BOK: variants seen among roughly 807,000 people sequenced by gnomAD.
BOK encodes bcl-2-related ovarian killer protein.
Under a neutral mutation model 18.3 loss-of-function variants are expected in BOK, and 20 were observed. The observed-to-expected ratio is 1.09, with a 90% CI of 0.77 to 1.59. The LOEUF (loss-of-function observed/expected upper bound fraction) is 1.59. Ranked by LOEUF, BOK falls within the 40% of genes most tolerant of loss-of-function variation. The probability of loss-of-function intolerance (pLI) is 0.00; values close to 1 mark genes in which losing one functional copy is unlikely to be tolerated. For synonymous variants in BOK, 173 were observed against 142.4 expected (o/e 1.21, Z -1.53); for missense variants, 348 against 307.9 (o/e 1.13, Z -0.97).
At position 241,562,475 on chromosome 2, in the gene BOK, A is replaced by G. The variant is rs775617630; in HGVS notation, c.348A>G (p.Ala116=). 4.4e-6 allele frequency: 7 copies of G among 1,607,718 alleles called. No individual in the cohort carries two copies. In the African/African-American group the frequency reaches 8.0e-5, roughly 18 times the overall value. ...FLAVAGHIFS[A]GITWGKVVSL... is the part of the protein sequence containing the mutation. ...CCGTGGCTGGCCACATCTTCTCTGC[A>G]GGTATGCCCAGCCTGCCCGTCCCAT... The change falls in exon 3 of 5, where the codon GCA becomes GCG. Residue 116 remains alanine, a splice_region_variant and synonymous_variant. Coordinates refer to ENST00000318407, the MANE Select transcript of BOK (RefSeq NM_032515.5). This position sits in a 1 kb window ranked among gnomAD's most constrained non-coding sequence, Gnocchi z 4.5.
intron 2 of BOK, chr2:241,560,160 G>A (rs1574994856): frequency 1.0e-6 from 1 of 985,362 alleles, no homozygotes; most frequent in Non-Finnish European, 1.2e-6. Context: ...CGCCCACCGG[G>A]CTGGGTAGCC....
In BOK at chr2:241,562,252, T is replaced by G; in HGVS notation, c.221-96T>G. 1 of 1,434,632 alleles carries G rather than the reference T, an allele frequency of 7.0e-7. No homozygotes were observed. The highest frequency in any genetic ancestry group is 9.3e-7 in the Non-Finnish European group (1 of 1,074,800). The allele number at this position is 1,434,632 out of a possible 1,614,324, so 88.9% of individuals were successfully genotyped here. A position where few individuals can be genotyped will look rare whatever the true frequency, so the allele number is the denominator to read the frequency against. ...GGAACAGGCTGGAATTCAAGCATGG[T>G]CAGGTGGGGGTCAGGTGCAGGGTGT... On this transcript the variant is annotated intron_variant, in intron 2 of 4. Coordinates refer to ENST00000318407, the MANE Select transcript of BOK (RefSeq NM_032515.5). This position sits in a 1 kb window ranked among gnomAD's most constrained non-coding sequence, Gnocchi z 4.5.
chr2:241,560,948 T>G (rs2066518393), intron 2 of BOK, among the ~76,000 whole-genome samples: 1 of 152,148 alleles, frequency 6.6e-6, no homozygotes, highest in African/African-American at 2.4e-5. Context: ...TCCCTGCCCT[T>G]GGGCAGTGCA....
intron 3 of BOK, among the ~76,000 whole-genome samples, chr2:241,566,111 C>A (rs1262804776): frequency 6.6e-6 from 1 of 151,584 alleles, no homozygotes; most frequent in Admixed American, 6.6e-5. Flanking sequence ...AAGAAGAAAC[C>A]CTGTCTCTAA....
upstream of BOK, among the ~76,000 whole-genome samples, chr2:241,555,200 T>C (rs979557273): frequency 1.3e-5 from 2 of 152,122 alleles, no homozygotes; most frequent in Non-Finnish European, 2.9e-5. Flanking sequence ...TTTTTAAAAT[T>C]TGTTTTAGAA....
chr2:241,552,361 G>A (rs1469917316), intron 1 of BOK, among the ~76,000 whole-genome samples: 1 of 152,170 alleles, frequency 6.6e-6, no homozygotes, highest in African/African-American at 2.4e-5. Flanking sequence ...GAGGCTTCCT[G>A]CGAGCCGCTT....
intron 2 of BOK, chr2:241,560,155 A>G (rs2066505647): frequency 1.0e-6 from 1 of 985,398 alleles, no homozygotes; most frequent in Non-Finnish European, 1.2e-6. Flanking sequence ...AACTGCGCCC[A>G]CCGGGCTGGG....
intron 4 of BOK, among the ~76,000 whole-genome samples, chr2:241,571,074 G>A (rs1306941094): frequency 6.6e-6 from 1 of 151,700 alleles, no homozygotes; most frequent in Non-Finnish European, 1.5e-5. Context: ...GAGCACTCCT[G>A]GGGGAGATGG....
intron 2 of BOK, among the ~76,000 whole-genome samples, chr2:241,561,026 CTG>C (rs1246682671): frequency 1.3e-5 from 2 of 152,224 alleles, no homozygotes; most frequent in Non-Finnish European, 2.9e-5. Flanking sequence ...CCCCGGAGAT[CTG>C]TGTTTGGGAG....
At position 241,558,766 on chromosome 2, in the gene BOK, GCGCTGCCCACCTCGCTGCCCAGGCC is replaced by G. The variant is rs1161528167; in HGVS notation, c.-255_-231del. ...CAGCCTCTCGCCAGCTGGGAGTCGC[GCGCTGCCCACCTCGCTGCCCAGGCC>G]CCCGACGCCGCGGCAGGAGCCCCCC... On this transcript the variant is annotated 5_prime_UTR_variant, in exon 1 of 5. Coordinates refer to ENST00000318407, the MANE Select transcript of BOK (RefSeq NM_032515.5). 5.9e-5 allele frequency: 9 copies of G among 152,324 alleles called. No homozygotes were observed. Among genetic ancestry groups the G allele is most frequent in the African/African-American group, 2.2e-4 (9 of 41,462 alleles). The allele number at this position is 152,324 out of a possible 1,614,324, so 9.4% of individuals were successfully genotyped here. A position where few individuals can be genotyped will look rare whatever the true frequency, so the allele number is the denominator to read the frequency against.
chr2:241,559,547 C>T lies in BOK; in HGVS notation c.64C>T (p.Pro22Ser). The change falls in exon 2 of 5, where the codon CCC becomes TCC. Residue 22 changes from proline (P) to serine (S), a missense_variant. Transcript: ENST00000318407. Reference protein sequence around the residue: ...AEIMDAFDRSPTDKELVAQAK... With the variant: ...AEIMDAFDRSSTDKELVAQAK... Reference sequence around the variant, plus strand: ...GATCATGGACGCCTTTGACCGCTCGCCCACAGACAAGGAGCTGGTGGCCCA... The same window carrying T: ...GATCATGGACGCCTTTGACCGCTCGTCCACAGACAAGGAGCTGGTGGCCCA... 1 of 1,528,216 alleles carries T rather than the reference C, an allele frequency of 6.5e-7. No homozygotes were observed. Among genetic ancestry groups the T allele is most frequent in the Non-Finnish European group, 8.7e-7 (1 of 1,146,990 alleles). The allele number at this position is 1,528,216 out of a possible 1,614,324, so 94.7% of individuals were successfully genotyped here. A position where few individuals can be genotyped will look rare whatever the true frequency, so the allele number is the denominator to read the frequency against.
intron 2 of BOK, chr2:241,560,266 T>C: frequency 1.0e-6 from 1 of 985,132 alleles, no homozygotes; most frequent in Non-Finnish European, 1.2e-6. Context: ...GTCTCCAAGG[T>C]CTGGACCCAA....
intron 3 of BOK, among the ~76,000 whole-genome samples, chr2:241,565,962 A>G (rs2066604710): frequency 6.6e-6 from 1 of 152,126 alleles, no homozygotes; most frequent in African/African-American, 2.4e-5. Flanking sequence ...AATTTTATAT[A>G]ATTCTTCTAA....
At chr2:241,560,209 G>C in intron 2 of BOK, 2 of 985,446 alleles carry the variant, frequency 2.0e-6, no homozygotes, top group Non-Finnish European at 2.4e-6. Context: ...GGACATCTGG[G>C]GGTGCTCGGT....
intron 3 of BOK, among the ~76,000 whole-genome samples, chr2:241,565,536 C>A (rs1025816340): frequency 2.0e-5 from 3 of 151,068 alleles, no homozygotes; most frequent in Non-Finnish European, 2.9e-5. Flanking sequence ...CTGCCTGAGG[C>A]CCCTCCCACG....
intron 3 of BOK, among the ~76,000 whole-genome samples, chr2:241,569,288 C>G (rs369455567): frequency 6.7e-6 from 1 of 148,420 alleles, no homozygotes; most frequent in African/African-American, 2.5e-5. Context: ...CGTGCCACCA[C>G]GCCTGGCTAA....
rs908071029 is a variant in BOK, at chr2:241,562,616, G to A, written c.349+140G>A. ...CACCGGTGCCATCTCACTGCTGCAG[G>A]TGTCAGGAGCTGCCCAGCCACCAGC... On this transcript the variant is annotated intron_variant, in intron 3 of 4. Transcript: ENST00000318407. The surrounding 1 kb of genome is among the most constrained non-coding windows in gnomAD (Gnocchi z 4.5). 3.4e-6 allele frequency: 4 copies of A among 1,184,528 alleles called. No homozygotes were observed. Among genetic ancestry groups the A allele is most frequent in the Non-Finnish European group, 4.5e-6 (4 of 882,518 alleles). 73.4% of individuals were successfully genotyped at this position (1,184,528 alleles called of 1,614,324 possible). A position where few individuals can be genotyped will look rare whatever the true frequency, so the allele number is the denominator to read the frequency against.
intron 1 of BOK, among the ~76,000 whole-genome samples, chr2:241,553,279 C>T (rs1486336328): frequency 1.3e-5 from 2 of 152,132 alleles, no homozygotes; most frequent in Admixed American, 6.5e-5. Flanking sequence ...GCCTCCGGAG[C>T]AGCTGGGATT....
chr2:241,552,134 C>T (rs964890828), intron 1 of BOK, among the ~76,000 whole-genome samples: 42 of 152,184 alleles, frequency 2.8e-4, no homozygotes, highest in African/African-American at 9.2e-4. Context: ...AGCCAGGCAG[C>T]TGCTACCTCA....
Sources: gnomAD v4.1 joint callset for allele counts (sites outside exome capture counted in the v4.1 genomes callset) on GRCh38, gnomAD v4.1.1 for gene constraint, Gnocchi (gnomAD v3.1) non-coding constraint, MANE v1.5 for transcripts, NCBI Gene and HGNC (gene_info 2026-07-23, HGNC 2026-07-21) for gene names.